The following CLUL1 variants were observed in gnomAD, a reference collection of about 807,000 sequenced individuals.
The protein encoded by CLUL1 is clusterin-like protein 1.
In CLUL1, 43 loss-of-function variants were observed where a neutral mutation model predicts 49.4. The ratio of observed to expected loss-of-function variants is 0.87; its 90% CI spans 0.68 to 1.12. The LOEUF is 1.12. Ranked by LOEUF, CLUL1 falls within the 50% of genes most tolerant of loss-of-function variation. The probability of loss-of-function intolerance (pLI) is 0.00; values close to 1 mark genes in which losing one functional copy is unlikely to be tolerated. For missense variants in CLUL1, 486 were observed against 544.4 expected (o/e 0.89, Z 1.07); for synonymous variants, 192 against 184.9 (o/e 1.04, Z -0.31).
In CLUL1 at chr18:634,491, A is replaced by C. The variant is rs564190098; in HGVS notation, c.994+1056A>C. Among the ~76,000 whole-genome samples, 16 of 152,002 alleles carry C rather than the reference A, an allele frequency of 1.1e-4. No individual in the cohort carries two copies. The East Asian group carries it at 2.7e-3, about 26-fold the overall frequency. ...ATTCTTTCACTTTCTTTAATTCCCT[A>C]ATTGTTCTTGTGATTTTTTTTATGA... On this transcript the variant is annotated intron_variant, in intron 7 of 9. Transcript: ENST00000692774.
chr18:622,137 A>G (rs1220074999), intron 4 of CLUL1, among the ~76,000 whole-genome samples: 1 of 152,180 alleles, frequency 6.6e-6, no homozygotes, highest in Non-Finnish European at 1.5e-5. Context: ...ATATGGTGTT[A>G]GCAACCCTAG....
intron 7 of CLUL1, among the ~76,000 whole-genome samples, chr18:640,346 G>A (rs2074306190): frequency 6.6e-6 from 1 of 151,964 alleles, no homozygotes; most frequent in African/African-American, 2.4e-5. Context: ...GGAGTTCGAG[G>A]CTGTAGTGAG....
chr18:621,682 C>T (rs2073490365), intron 4 of CLUL1, among the ~76,000 whole-genome samples: 2 of 152,288 alleles, frequency 1.3e-5, no homozygotes, highest in South Asian at 4.1e-4. Flanking sequence ...TAAACCACTA[C>T]TTTCATTTTA....
At chr18:622,585 G>A (rs2073523632) in intron 4 of CLUL1, among the ~76,000 whole-genome samples, 1 of 152,224 alleles carries the variant, frequency 6.6e-6, no homozygotes, top group Non-Finnish European at 1.5e-5. Context: ...CCTTAGGAAT[G>A]TTTACTAGAC....
intron 1 of CLUL1, among the ~76,000 whole-genome samples, chr18:602,326 A>T (rs561071015): frequency 6.6e-6 from 1 of 152,094 alleles, no homozygotes; most frequent in South Asian, 2.1e-4. Flanking sequence ...TCTCCTCCAG[A>T]TCTATTCTCT....
chr18:605,766 T>C (rs2072956178), intron 1 of CLUL1, among the ~76,000 whole-genome samples: 1 of 152,102 alleles, frequency 6.6e-6, no homozygotes, highest in African/African-American at 2.4e-5. Flanking sequence ...AACCTCCGCC[T>C]ACCAGGTTCA....
intron 4 of CLUL1, 62 bp from the exon 5 acceptor site, chr18:624,802 AT>A (rs1372121722): frequency 6.6e-7 from 1 of 1,509,500 alleles, no homozygotes; most frequent in Non-Finnish European, 9.1e-7. Flanking sequence ...AAAGGGTGAA[AT>A]CAACTAAGGT....
In CLUL1 at chr18:619,361, G is replaced by A. The variant is rs199895736; in HGVS notation, c.255G>A (p.Gln85=). Residue 85 remains glutamine, a splice_region_variant and synonymous_variant, in exon 4 of 10, where the codon CAG becomes CAA. Transcript: ENST00000692774. ...TGAAGAAATGCAGAGAAGAAAAGCA[G>A]GTACAGTCATTGAAAATAATGTCTG... ...STLKKCREEK[Q]EALKLLNEVQ... 5.0e-5 allele frequency: 81 copies of A among 1,609,686 alleles called. 1 individual carries two copies. The highest frequency in any genetic ancestry group is 2.5e-6 in the Non-Finnish European group (3 of 1,178,532).
intron 8 of CLUL1, among the ~76,000 whole-genome samples, 178 bp downstream of exon 8, chr18:641,719 A>T (rs1274080976): frequency 1.3e-5 from 2 of 152,348 alleles, no homozygotes; most frequent in Non-Finnish European, 1.5e-5. Context: ...TTTAGAAAAC[A>T]AGAAAGTCCA....
rs201845141 is a variant in CLUL1 at position 627,030 on chromosome 18, A to C, written c.424-67A>C. On this transcript the variant is annotated intron_variant, in intron 5 of 9. Coordinates refer to ENST00000692774, the MANE Select transcript of CLUL1 (RefSeq NM_001393344.1). ...AGGAAAGAAAGAAAGAAAGAAAGAA[A>C]AGAAAGAAAGAGTCGAGAAAGAAAA... The C allele has an allele frequency of 3.2e-5, 2 of 63,450 alleles. 1 individual carries two copies. The highest frequency in any genetic ancestry group is 1.5e-4 in the African/African-American group (2 of 13,294). The allele number at this position is 63,450 out of a possible 1,614,324, so 3.9% of individuals were successfully genotyped here. A position where few individuals can be genotyped will look rare whatever the true frequency, so the allele number is the denominator to read the frequency against.
At chr18:602,542 C>T (rs1187012285) in intron 1 of CLUL1, among the ~76,000 whole-genome samples, 1 of 152,216 alleles carries the variant, frequency 6.6e-6, no homozygotes, top group Non-Finnish European at 1.5e-5. Flanking sequence ...TAACTGCCCA[C>T]TTCTGAAAAC....
chr18:607,013 G>T lies in CLUL1; in HGVS notation c.-100G>T. ...CTCTCGGTTGCCAGGCTGGAGTTCA[G>T]TGGCATGTTCATAGCTCACTGAAGC... On this transcript the variant is annotated 5_prime_UTR_variant, in exon 2 of 10. Transcript: ENST00000692774. 1.5e-6 allele frequency: 1 copy of T among 685,288 alleles called. No homozygotes were observed. Among genetic ancestry groups the T allele is most frequent in the Non-Finnish European group, 2.7e-6 (1 of 376,860 alleles). 42.5% of individuals were successfully genotyped at this position (685,288 alleles called of 1,614,324 possible).
At position 626,859 on chromosome 18, in the gene CLUL1, TCAAATAA is replaced by T. The variant is rs1174502403; in HGVS notation, c.424-237_424-231del. 9.4e-4 allele frequency among the ~76,000 whole-genome samples: 100 copies of T among 106,868 alleles called. 1 individual carries two copies. The highest frequency in any genetic ancestry group is 2.1e-3 in the Admixed American group (16 of 7,678). 70.1% of individuals were successfully genotyped at this position (106,868 alleles called of 152,430 possible). A position where few individuals can be genotyped will look rare whatever the true frequency, so the allele number is the denominator to read the frequency against. ...CTGAGTGACAGAGCAAGACTCCATC[TCAAATAA>T]GAAAGAAAGAAAGAAAGAAAGAAAG... On this transcript the variant is annotated intron_variant, in intron 5 of 9. Transcript: ENST00000692774.
At chr18:603,412 T>C (rs1337709114) in intron 1 of CLUL1, among the ~76,000 whole-genome samples, 1 of 152,016 alleles carries the variant, frequency 6.6e-6, no homozygotes, top group Non-Finnish European at 1.5e-5. Flanking sequence ...AGGAGACAAA[T>C]ACAAAGGAAG....
At chr18:632,815 G>T (rs2074026268) in intron 6 of CLUL1, among the ~76,000 whole-genome samples, 1 of 152,144 alleles carries the variant, frequency 6.6e-6, no homozygotes, top group Non-Finnish European at 1.5e-5. Context: ...TAGCTGTTCA[G>T]TTGTCCCAGG....
intron 6 of CLUL1, among the ~76,000 whole-genome samples, chr18:627,790 G>GAA (rs199849611): frequency 4.8e-5 from 7 of 145,240 alleles, no homozygotes; most frequent in Non-Finnish European, 9.1e-5. Flanking sequence ...TTGAGAACTT[G>GAA]AAAAAAAAAA....
At chr18:633,744 G>A (rs1424318881) in intron 7 of CLUL1, among the ~76,000 whole-genome samples, 1 of 152,080 alleles carries the variant, frequency 6.6e-6, no homozygotes, top group South Asian at 2.1e-4. Context: ...AATTTAAAGA[G>A]AGTGACGAGG....
At position 596,996 on chromosome 18, in the gene CLUL1, T is replaced by C. The variant is rs569306868; in HGVS notation, c.-269T>C. 11 of 151,498 alleles carry C rather than the reference T, an allele frequency of 7.3e-5. No individual in the cohort carries two copies. In the South Asian group the frequency reaches 1.9e-3, roughly 26 times the overall value. The allele number at this position is 151,498 out of a possible 1,614,324, so 9.4% of individuals were successfully genotyped here. On this transcript the variant is annotated 5_prime_UTR_variant, in exon 1 of 10. Coordinates refer to ENST00000692774, the MANE Select transcript of CLUL1 (RefSeq NM_001393344.1). Reference sequence around the variant, plus strand: ...GTCTGCAGGCCCCGCCCACCCTGCGTCACCTGCAGGCCCGGGCCGCGGGGT... The same window carrying C: ...GTCTGCAGGCCCCGCCCACCCTGCGCCACCTGCAGGCCCGGGCCGCGGGGT...
chr18:600,107 GA>G (rs1417314916), intron 1 of CLUL1, among the ~76,000 whole-genome samples: 1 of 152,126 alleles, frequency 6.6e-6, no homozygotes, highest in African/African-American at 2.4e-5. Context: ...TGCATGTTGT[GA>G]CTGAACTCAG....
Sources: allele counts gnomAD v4.1 joint callset (sites outside exome capture counted in the v4.1 genomes callset), GRCh38; gene constraint gnomAD v4.1.1; transcripts MANE v1.5; gene names NCBI Gene and HGNC (gene_info 2026-07-23, HGNC 2026-07-21).